Variants in PMFBP1 observed in about 807,000 individuals in gnomAD.
PMFBP1 encodes the protein polyamine-modulated factor 1-binding protein 1.
PMFBP1 carries 131 observed loss-of-function variants against 137.8 expected under a neutral mutation model. The observed-to-expected ratio is 0.95, with a 90% CI of 0.82 to 1.10. PMFBP1 has a LOEUF of 1.10. Among genes scored for constraint, PMFBP1 ranks in the 50% least tolerant of loss-of-function variants. PMFBP1 has a pLI of 0.00. For missense variants in PMFBP1, 1,199 were observed against 1,175.4 expected (o/e 1.02, Z -0.29); for synonymous variants, 490 against 450.4 (o/e 1.09, Z -1.11).
chr16:72,215,969 T>C, the PMFBP1 span, among the ~76,000 whole-genome samples: 1 of 152,240 alleles, frequency 6.6e-6, no homozygotes, highest in South Asian at 2.1e-4. Flanking sequence ...TCTCTCTTCT[T>C]CTTCCTTTCT....
At position 72,127,940 on chromosome 16, in the gene PMFBP1, G is replaced by A. The variant is rs550965722; in HGVS notation, c.2088+717C>T. Among the ~76,000 whole-genome samples the A allele has an allele frequency of 9.0e-4, 137 of 152,346 alleles. 2 individuals are homozygous for A. Among genetic ancestry groups the A allele is most frequent in the African/African-American group, 3.1e-3 (130 of 41,582 alleles). Reference sequence around the variant, plus strand: ...TTGGCCTTTCATTTGTAGCCCAAGAGACCAACTACCAAGGTGTTATATTTT... The same window carrying A: ...TTGGCCTTTCATTTGTAGCCCAAGAAACCAACTACCAAGGTGTTATATTTT... On this transcript the variant is annotated intron_variant, in intron 14 of 20. Coordinates refer to ENST00000237353, the MANE Select transcript of PMFBP1 (RefSeq NM_031293.3).
At chr16:72,129,758 T>G in intron 12 of PMFBP1, among the ~76,000 whole-genome samples, 1 of 152,352 alleles carries the variant, frequency 6.6e-6, no homozygotes, top group East Asian at 1.9e-4. Context: ...TGGTGCTGAG[T>G]GGCTGGCTTA....
At chr16:72,229,529 C>CT in the PMFBP1 span, among the ~76,000 whole-genome samples, 1 of 151,324 alleles carries the variant, frequency 6.6e-6, no homozygotes, top group East Asian at 1.9e-4. Flanking sequence ...TTTCTTTTTT[C>CT]TTTTTAATAA....
chr16:72,170,596 A>AT (rs989768878), intron 2 of PMFBP1, among the ~76,000 whole-genome samples: 6 of 151,750 alleles, frequency 4.0e-5, no homozygotes, highest in Admixed American at 6.6e-5. Context: ...CACCTGGCTA[A>AT]TTTTTTTTAT....
upstream of PMFBP1, chr16:72,174,112 C>T (rs1490995579): frequency 1.3e-5 from 2 of 152,224 alleles, no homozygotes; most frequent in African/African-American, 4.8e-5. Context: ...TTGGTCAGAG[C>T]TTCTAGTGAT....
chr16:72,246,159 T>C, the PMFBP1 span, among the ~76,000 whole-genome samples: 1 of 152,204 alleles, frequency 6.6e-6, no homozygotes. Flanking sequence ...GAAAAGTACA[T>C]TAACAGTATA....
chr16:72,163,735 T>A (rs1282802573), intron 3 of PMFBP1, among the ~76,000 whole-genome samples: 1 of 152,220 alleles, frequency 6.6e-6, no homozygotes, highest in African/African-American at 2.4e-5. Context: ...GGAATACTAC[T>A]CAGCCATAAA....
chr16:72,128,806 T>C lies in PMFBP1; in HGVS notation c.1951-12A>G, dbSNP rs369232792. ...GAATTCTCTTTCAACTGTTCCCTCA[T>C]TAAAGAACAAAGCACAGCAAAGAGG... On this transcript the variant is annotated splice_polypyrimidine_tract_variant and intron_variant, in intron 13 of 20. Transcript: ENST00000237353. 16 of 1,614,134 alleles carry C rather than the reference T, an allele frequency of 9.9e-6. No homozygotes were observed. The highest frequency in any genetic ancestry group is 1.3e-5 in the Non-Finnish European group (15 of 1,180,012).
chr16:72,126,032 G>C lies in PMFBP1; in HGVS notation c.2189C>G (p.Ala730Gly), dbSNP rs753440707. ...HYLQTTITKEAYDALSRKSAA... is the reference protein window; with the variant it reads ...HYLQTTITKEGYDALSRKSAA... Reference sequence around the variant, plus strand: ...TGACTTCCGGGATAATGCATCATAGGCTTCTTTGGTGATGGTAGTCTGGAG... The same window carrying C: ...TGACTTCCGGGATAATGCATCATAGCCTTCTTTGGTGATGGTAGTCTGGAG... The change falls in exon 15 of 21, where the codon GCC (alanine) becomes GGC (glycine). Residue 730 changes from alanine to glycine, a missense_variant. Ala to Gly is a moderately conservative substitution (Grantham distance 60, BLOSUM62 0). Coordinates refer to ENST00000237353, the MANE Select transcript of PMFBP1 (RefSeq NM_031293.3). The C allele has an allele frequency of 3.1e-6, 5 of 1,614,210 alleles. No individual in the cohort carries two copies. In the East Asian group the frequency reaches 1.1e-4, roughly 36 times the overall value.
chr16:72,155,324 C>G (rs2042965389), intron 3 of PMFBP1, among the ~76,000 whole-genome samples: 1 of 152,162 alleles, frequency 6.6e-6, no homozygotes, highest in African/African-American at 2.4e-5. Flanking sequence ...TATTATCCTC[C>G]TACACATTCT....
In PMFBP1 at chr16:72,119,246, G is replaced by T; in HGVS notation, c.*92C>A. On this transcript the variant is annotated 3_prime_UTR_variant, in exon 21 of 21. Transcript: ENST00000237353. ...GGGACCGTGATATACTCCTGTAAGA[G>T]CTGATCCAGGTCAAGAGAGAGGGAG... 1.4e-6 allele frequency: 2 copies of T among 1,414,356 alleles called. No homozygotes were observed. Among genetic ancestry groups the T allele is most frequent in the Non-Finnish European group, 2.0e-6 (2 of 1,001,228 alleles). 87.6% of individuals were successfully genotyped at this position (1,414,356 alleles called of 1,614,324 possible). A position where few individuals can be genotyped will look rare whatever the true frequency, so the allele number is the denominator to read the frequency against.
Position 72,126,101 on chromosome 16 carries a change from A to AGG in PMFBP1, c.2118_2119dup (p.Leu707ProfsTer40). On this transcript the variant is annotated frameshift_variant, in exon 15 of 21. Transcript: ENST00000237353. LOFTEE classifies it high-confidence loss of function. ...CAGAGCTTTGTCCAGCTGGGCCTGC[A>AGG]GGCTCATTAAGGACTCCTTCTGAAG... is the stretch of plus-strand genomic sequence containing the variant. 2 of 1,614,180 alleles carry AGG rather than the reference A, an allele frequency of 1.2e-6. No individual in the cohort carries two copies. Among genetic ancestry groups the AGG allele is most frequent in the Middle Eastern group, 1.7e-4 (1 of 6,060 alleles).
At chr16:72,139,490 A>G in intron 6 of PMFBP1, 91 bp from the exon 7 acceptor site, 2 of 1,039,390 alleles carry the variant, frequency 1.9e-6, no homozygotes, top group Admixed American at 2.0e-5. Context: ...TTTCTGCAGC[A>G]TAAGTTTGTT....
At chr16:72,230,025 C>T in the PMFBP1 span, among the ~76,000 whole-genome samples, 3 of 152,122 alleles carry the variant, frequency 2.0e-5, no homozygotes, top group Admixed American at 6.6e-5. Flanking sequence ...GTAATTTCTC[C>T]GAACCTATTT....
At chr16:72,183,113 C>T in the PMFBP1 span, among the ~76,000 whole-genome samples, 1 of 152,204 alleles carries the variant, frequency 6.6e-6, no homozygotes, top group African/African-American at 2.4e-5. Flanking sequence ...TATACCTGGG[C>T]ACTGCATGCC....
intron 4 of PMFBP1, among the ~76,000 whole-genome samples, chr16:72,152,694 A>T (rs911949523): frequency 7.9e-5 from 12 of 151,874 alleles, no homozygotes; most frequent in Non-Finnish European, 1.6e-4. Flanking sequence ...AAAATACAAA[A>T]ATTAGCCGGG....
chr16:72,204,813 T>C, the PMFBP1 span, among the ~76,000 whole-genome samples: 1 of 152,236 alleles, frequency 6.6e-6, no homozygotes, highest in East Asian at 1.9e-4. Flanking sequence ...TCTGTGATGA[T>C]GAAGATGTTC....
At chr16:72,176,371 A>G (rs751331275), upstream of PMFBP1, among the ~76,000 whole-genome samples, 3 of 152,194 alleles carry the variant, frequency 2.0e-5, no homozygotes, top group Non-Finnish European at 4.4e-5. Flanking sequence ...TCCAACATCC[A>G]TACTCTTTAT....
the PMFBP1 span, among the ~76,000 whole-genome samples, chr16:72,184,847 T>G: frequency 6.6e-6 from 1 of 152,180 alleles, no homozygotes; most frequent in African/African-American, 2.4e-5. Flanking sequence ...ATCTTCCCAA[T>G]TAATCTTCTA....
Sources: gnomAD v4.1 joint callset for allele counts (sites outside exome capture counted in the v4.1 genomes callset) on GRCh38, gnomAD v4.1.1 for gene constraint, MANE v1.5 for transcripts, NCBI Gene and HGNC (gene_info 2026-07-23, HGNC 2026-07-21) for gene names.